Variants in ASB11 observed in about 807,000 individuals in gnomAD.
The protein encoded by ASB11 is ankyrin repeat and SOCS box protein 11.
ASB11 carries 17 observed loss-of-function variants against 20.1 expected under a neutral mutation model. That is an observed-to-expected ratio of 0.85 (90% CI 0.58 to 1.27). The LOEUF (loss-of-function observed/expected upper bound fraction) is 1.27, where lower values mean the gene tolerates loss of function less well. Among genes scored for constraint, ASB11 ranks in the 50% most tolerant of loss-of-function variants. The pLI is 0.00. For missense variants in ASB11, 259 were observed against 256.9 expected, an observed-to-expected ratio of 1.01 and a Z score of -0.06; for synonymous variants, 107 against 105.6, an observed-to-expected ratio of 1.01 and a Z score of -0.08.
In ASB11 at chrX:15,305,053, G is replaced by A. The variant is rs138889546; in HGVS notation, c.182-2246C>T. 1.3e-3 allele frequency among the ~76,000 whole-genome samples: 150 copies of A among 111,782 alleles called. 2 individuals are homozygous for A. The East Asian group carries it at 0.026, about 19-fold the overall frequency. On this transcript the variant is annotated intron_variant, in intron 1 of 6. Coordinates refer to ENST00000480796, the MANE Select transcript of ASB11 (RefSeq NM_080873.3). The stretch of plus-strand genomic sequence containing the variant: ...ATAAAATCCCAACTTAGAAATTGAA[G>A]AAATAATAGAATCAGCTTCAACTCA...
chrX:15,297,019 C>T (rs778131132), intron 3 of ASB11, among the ~76,000 whole-genome samples: 4 of 112,631 alleles, frequency 3.6e-5, no homozygotes, highest in East Asian at 5.6e-4. Context: ...CAAGGCCGGG[C>T]GCGGTGGCTC....
chrX:15,305,597 T>TTAGATAGA (rs74919898), intron 1 of ASB11, among the ~76,000 whole-genome samples: 20,383 of 98,335 alleles, frequency 0.21, 1,806 homozygotes, highest in Middle Eastern at 0.24. Flanking sequence ...AAAAAAAAGA[T>TTAGATAGA]TAGATAGATA....
At chrX:15,309,925 G>A (rs964142540) in intron 1 of ASB11, among the ~76,000 whole-genome samples, 33 of 84,689 alleles carry the variant, frequency 3.9e-4, no homozygotes, top group African/African-American at 1.4e-3. Context: ...CCGAGATCGC[G>A]CCACTGCACT....
intron 1 of ASB11, 127 bp from the exon 2 acceptor site, chrX:15,302,934 G>C: frequency 1.8e-6 from 1 of 548,992 alleles, no homozygotes; most frequent in Admixed American, 3.0e-5. Flanking sequence ...CAGGTATCAC[G>C]CATCAGGCTC....
At chrX:15,314,150 T>C (rs1921535270) in intron 1 of ASB11, among the ~76,000 whole-genome samples, 1 of 108,782 alleles carries the variant, frequency 9.2e-6, no homozygotes, top group Admixed American at 9.9e-5. Context: ...ATTTGTAACA[T>C]GTTCTTGCCA....
intron 1 of ASB11, among the ~76,000 whole-genome samples, chrX:15,312,468 ATG>A (rs1921467750): frequency 9.9e-6 from 1 of 101,337 alleles, no homozygotes. Flanking sequence ...AGCACAAAGA[ATG>A]ATATTTAATG....
intron 1 of ASB11, among the ~76,000 whole-genome samples, chrX:15,306,370 C>G (rs1352649867): frequency 9.0e-6 from 1 of 111,511 alleles, no homozygotes; most frequent in Non-Finnish European, 1.9e-5. Flanking sequence ...TTGTATTTAC[C>G]CTTGTCTTTA....
At chrX:15,289,412 A>G (rs973032063) in intron 5 of ASB11, 92 bp downstream of exon 5, 2 of 986,455 alleles carry the variant, frequency 2.0e-6, no homozygotes, top group Non-Finnish European at 2.7e-6. Flanking sequence ...CTAACCGAAT[A>G]TTTTTCAACC....
intron 6 of ASB11, among the ~76,000 whole-genome samples, chrX:15,284,930 C>T (rs1927331574): frequency 9.0e-6 from 1 of 111,573 alleles, no homozygotes; most frequent in East Asian, 2.8e-4. Context: ...CATTTGGCTT[C>T]ACATTGCCAA....
intron 2 of ASB11, 75 bp downstream of exon 2, chrX:15,302,653 C>G (rs1921104936): frequency 9.5e-7 from 1 of 1,057,524 alleles, no homozygotes; most frequent in Non-Finnish European, 1.3e-6. Flanking sequence ...CACACCTCTG[C>G]TACAGCCAAA....
chrX:15,286,438 G>A (rs942738357), intron 6 of ASB11, among the ~76,000 whole-genome samples: 4 of 109,345 alleles, frequency 3.7e-5, no homozygotes, highest in South Asian at 7.9e-4. Flanking sequence ...AGGCTGAGGC[G>A]GGCGGATCAC....
rs1209869892 is a variant in ASB11 at position 15,297,568 on chromosome X, A to G, written c.369+6T>C. 3 of 1,178,934 alleles carry G rather than the reference A, an allele frequency of 2.5e-6. No individual in the cohort carries two copies. In the South Asian group the frequency reaches 5.8e-5, roughly 23 times the overall value. On this transcript the variant is annotated splice_donor_region_variant and intron_variant, in intron 3 of 6. Transcript: ENST00000480796. ...ACAGACCCAAGTGGGCAGGGGCAGT[A>G]CTCACGTGTGCACCATTTTCCAATA...
At chrX:15,294,071 T>C (rs1383311371) in intron 3 of ASB11, among the ~76,000 whole-genome samples, 1 of 111,079 alleles carries the variant, frequency 9.0e-6, no homozygotes, top group African/African-American at 3.3e-5. Flanking sequence ...AGATTAAATT[T>C]AAAAAAAGGA....
At chrX:15,299,824 TG>T (rs1417041480) in intron 2 of ASB11, among the ~76,000 whole-genome samples, 1 of 111,357 alleles carries the variant, frequency 9.0e-6, no homozygotes, top group East Asian at 2.8e-4. Flanking sequence ...GCCTTGTAAC[TG>T]ACCAACTGAA....
chrX:15,284,190 T>G (rs1279655615), intron 6 of ASB11, among the ~76,000 whole-genome samples: 4 of 100,604 alleles, frequency 4.0e-5, no homozygotes, highest in African/African-American at 1.5e-4. Flanking sequence ...AGGCGGAGCT[T>G]GCAGTGAGCC....
At position 15,281,970 on chromosome X, in the gene ASB11, ACAGG is replaced by A. The variant is rs1927192724; in HGVS notation, c.*1531_*1534del. 8.9e-6 allele frequency: 1 copy of A among 112,242 alleles called. No individual in the cohort carries two copies. The highest frequency in any genetic ancestry group is 3.2e-5 in the African/African-American group (1 of 30,887). 9.3% of individuals were successfully genotyped at this position (112,242 alleles called of 1,213,427 possible). A position where few individuals can be genotyped will look rare whatever the true frequency, so the allele number is the denominator to read the frequency against. On this transcript the variant is annotated 3_prime_UTR_variant, in exon 7 of 7. Transcript: ENST00000480796. ...CTCGGCCTCCCAAAATGCTGGGATT[ACAGG>A]CGTGAGCCACCATGCCCGGCCAGAT...
intron 4 of ASB11, among the ~76,000 whole-genome samples, chrX:15,292,667 G>A (rs1927562940): frequency 8.9e-6 from 1 of 112,293 alleles, no homozygotes; most frequent in African/African-American, 3.2e-5. Context: ...TCTAGATTGT[G>A]TAACTTATTA....
intron 2 of ASB11, among the ~76,000 whole-genome samples, chrX:15,300,413 G>C (rs1424514862): frequency 8.9e-6 from 1 of 112,529 alleles, no homozygotes; most frequent in African/African-American, 3.2e-5. Context: ...TCGGTTTAAT[G>C]TTTTACTCAC....
chrX:15,284,023 T>C (rs113419621), intron 6 of ASB11, among the ~76,000 whole-genome samples: 2,067 of 109,063 alleles, frequency 0.019, 36 homozygotes, highest in African/African-American at 0.046. Context: ...GAGGCCAAGG[T>C]GGGCGGATCA....
Sources: gnomAD v4.1 joint callset for allele counts (sites outside exome capture counted in the v4.1 genomes callset) on GRCh38, gnomAD v4.1.1 for gene constraint, MANE v1.5 for transcripts, NCBI Gene and HGNC (gene_info 2026-07-23, HGNC 2026-07-21) for gene names.